The following GNS variants were observed in gnomAD, a reference collection of about 807,000 sequenced individuals.
GNS encodes N-acetylglucosamine-6-sulfatase.
In GNS, 40 loss-of-function variants were observed where a neutral mutation model predicts 69.7. The ratio of observed to expected loss-of-function variants is 0.57; its 90% CI spans 0.45 to 0.75. GNS has a LOEUF of 0.75. Ranked by LOEUF, GNS falls within the 30% of genes least tolerant of loss-of-function variation. The pLI is 0.00. For missense variants in GNS, 565 were observed against 685.5 expected (o/e 0.82, Z 1.96); for synonymous variants, 243 against 251.6 (o/e 0.97, Z 0.32).
chr12:64,754,467 G>A (rs1238965711), intron 1 of GNS, among the ~76,000 whole-genome samples: 1 of 152,194 alleles, frequency 6.6e-6, no homozygotes, highest in Admixed American at 6.5e-5. Flanking sequence ...AGAGGAAGGA[G>A]AGAGGCACCT....
chr12:64,728,205 C>A (rs533112662), intron 10 of GNS, among the ~76,000 whole-genome samples: 1 of 152,174 alleles, frequency 6.6e-6, no homozygotes, highest in Non-Finnish European at 1.5e-5. Flanking sequence ...GGATTACAGG[C>A]GTAAGCCACC....
At chr12:64,754,402 T>C (rs1447738262) in intron 1 of GNS, among the ~76,000 whole-genome samples, 1 of 152,094 alleles carries the variant, frequency 6.6e-6, no homozygotes, top group Non-Finnish European at 1.5e-5. Context: ...GAGTCAGTCA[T>C]GCAAAAATTC....
chr12:64,755,654 A>G (rs1870227931), intron 1 of GNS, among the ~76,000 whole-genome samples: 1 of 149,480 alleles, frequency 6.7e-6, no homozygotes, highest in Non-Finnish European at 1.5e-5. Flanking sequence ...TTTTGGCCAA[A>G]TGTCACTTTT....
intron 1 of GNS, 60 bp from the exon 2 acceptor site, chr12:64,752,817 C>G: frequency 1.2e-6 from 1 of 852,692 alleles, no homozygotes; most frequent in Non-Finnish European, 2.0e-6. Context: ...GACACACAGC[C>G]CAGAATTCCT....
At chr12:64,735,388 T>C (rs1275889099) in intron 9 of GNS, among the ~76,000 whole-genome samples, 1 of 152,200 alleles carries the variant, frequency 6.6e-6, no homozygotes, top group African/African-American at 2.4e-5. Flanking sequence ...TCATCAACTG[T>C]GAGGATTGAA....
intron 10 of GNS, among the ~76,000 whole-genome samples, chr12:64,725,853 G>A (rs1030891169): frequency 2.0e-4 from 30 of 151,594 alleles, no homozygotes; most frequent in Admixed American, 1.9e-3. Context: ...AAAATTAGCC[G>A]GGCCTGGTGG....
At chr12:64,729,137 C>T in intron 9 of GNS, 80 bp from the exon 10 acceptor site, 1 of 780,870 alleles carries the variant, frequency 1.3e-6, no homozygotes, top group Non-Finnish European at 2.3e-6. Context: ...TTCTCTTCCC[C>T]CCACCCCGCC....
chr12:64,755,352 C>T (rs532369995), intron 1 of GNS, among the ~76,000 whole-genome samples: 35 of 152,076 alleles, frequency 2.3e-4, no homozygotes, highest in African/African-American at 8.2e-4. Flanking sequence ...CTGAAGTGGG[C>T]GGATCACTTG....
chr12:64,731,968 A>G (rs1869405083), intron 9 of GNS, among the ~76,000 whole-genome samples: 1 of 151,954 alleles, frequency 6.6e-6, no homozygotes, highest in African/African-American at 2.4e-5. Context: ...TGGAACAGAA[A>G]AAGCTTTGAC....
intron 12 of GNS, among the ~76,000 whole-genome samples, 155 bp downstream of exon 12, chr12:64,721,440 C>T (rs1018474681): frequency 3.9e-5 from 6 of 152,166 alleles, no homozygotes; most frequent in African/African-American, 1.4e-4. Flanking sequence ...GAGACATGGC[C>T]TTACAACTGA....
intron 1 of GNS, among the ~76,000 whole-genome samples, chr12:64,756,125 A>C (rs772502967): frequency 3.3e-5 from 5 of 152,234 alleles, no homozygotes; most frequent in Non-Finnish European, 7.3e-5. Context: ...AACAAATACA[A>C]TGAAATGTTA....
At chr12:64,755,677 GA>G (rs1565629365) in intron 1 of GNS, among the ~76,000 whole-genome samples, 2 of 146,180 alleles carry the variant, frequency 1.4e-5, no homozygotes, top group Non-Finnish European at 3.0e-5. Flanking sequence ...TAGAGTAAAT[GA>G]TTTTTTTTTT....
rs1338194520 is a variant in GNS, at chr12:64,743,251, T to C, written c.682A>G (p.Met228Val). The C allele has an allele frequency of 3.1e-6, 5 of 1,612,980 alleles. No individual in the cohort carries two copies. In the Admixed American group the frequency reaches 5.0e-5, roughly 16 times the overall value. ...GAATGAGGCGCTGGAGTGGCGATCATCATGAAGAAGGGCTCAAAGTTGGAC... is the reference window on the plus strand; with the variant it reads ...GAATGAGGCGCTGGAGTGGCGATCACCATGAAGAAGGGCTCAAAGTTGGAC... The part of the protein sequence containing the change: ...YKSNFEPFFM[M>V]IATPAPHSPW... Residue 228 changes from methionine to valine, a missense_variant, in exon 6 of 14, where the codon ATG becomes GTG. This residue lies in a region of GNS where 384 missense variants were observed against 511.0 expected (regional missense o/e 0.75). Transcript: ENST00000258145.
In GNS at chr12:64,716,637, A is replaced by T; in HGVS notation, c.*104T>A. 1.1e-5 allele frequency: 9 copies of T among 818,750 alleles called. No individual in the cohort carries two copies. The South Asian group carries it at 1.3e-4, about 12-fold the overall frequency. The allele number at this position is 818,750 out of a possible 1,614,324, so 50.7% of individuals were successfully genotyped here. A position where few individuals can be genotyped will look rare whatever the true frequency, so the allele number is the denominator to read the frequency against. ...AACAGGACTTAAAGCCAGCCCAGAA[A>T]CTCTTCCAGGTGTGGTCTTGAAGAC... On this transcript the variant is annotated 3_prime_UTR_variant, in exon 14 of 14. Transcript: ENST00000258145.
chr12:64,745,216 T>C, intron 4 of GNS, among the ~76,000 whole-genome samples: 1 of 142,298 alleles, frequency 7.0e-6, no homozygotes, highest in Non-Finnish European at 1.5e-5. Flanking sequence ...TTTTTTTTTT[T>C]TTTTTTTTTT....
rs964395598 is a variant in GNS, at chr12:64,715,565, C to T, written c.*1176G>A. 6.5e-6 allele frequency: 1 copy of T among 154,210 alleles called. No homozygotes were observed. Among genetic ancestry groups the T allele is most frequent in the African/African-American group, 2.4e-5 (1 of 41,474 alleles). The allele number at this position is 154,210 out of a possible 1,614,324, so 9.6% of individuals were successfully genotyped here. ...TTAGGTGTTCTCAACAGTGAAGAAA[C>T]CTGAATAGATTTGATTTTGACAGGG... On this transcript the variant is annotated 3_prime_UTR_variant, in exon 14 of 14. Transcript: ENST00000258145.
chr12:64,744,806 C>A lies in GNS; in HGVS notation c.624+3G>T. 7.0e-7 allele frequency: 1 copy of A among 1,420,890 alleles called. No individual in the cohort carries two copies. Among genetic ancestry groups the A allele is most frequent in the Middle Eastern group, 1.8e-4 (1 of 5,694 alleles). 88.0% of individuals were successfully genotyped at this position (1,420,890 alleles called of 1,614,324 possible). ...ACAGAGCTACAAAGCTTCTGCAACT[C>A]ACCAAAACATCTGTCAGGTAGTCCA... On this transcript the variant is annotated splice_donor_region_variant and intron_variant, in intron 5 of 13. Coordinates refer to ENST00000258145, the MANE Select transcript of GNS (RefSeq NM_002076.4).
intron 10 of GNS, among the ~76,000 whole-genome samples, chr12:64,727,622 G>GA (rs1287953761): frequency 6.6e-6 from 1 of 152,128 alleles, no homozygotes; most frequent in Non-Finnish European, 1.5e-5. Context: ...TATGCTCAGT[G>GA]AAAAAACCAG....
At chr12:64,739,288 TAA>T in intron 8 of GNS, 91 bp downstream of exon 8, 2 of 810,678 alleles carry the variant, frequency 2.5e-6, no homozygotes, top group Admixed American at 1.7e-5. Context: ...TCCACAGTTA[TAA>T]AAAGACTAGA....
Sources: gnomAD v4.1 joint callset for allele counts (sites outside exome capture counted in the v4.1 genomes callset) on GRCh38, gnomAD v4.1.1 for gene constraint, gnomAD v4.1.1 regional missense constraint, MANE v1.5 for transcripts, NCBI Gene and HGNC (gene_info 2026-07-23, HGNC 2026-07-21) for gene names.